The following TENM1 variants were observed in gnomAD, a reference collection of about 807,000 sequenced individuals.
TENM1 encodes teneurin-1.
Under a neutral mutation model 174.8 loss-of-function variants are expected in TENM1, and 35 were observed. The ratio of observed to expected loss-of-function variants is 0.20; its 90% CI spans 0.15 to 0.27. The LOEUF is 0.27. TENM1 is among the 10% of genes least tolerant of loss of function. The pLI is 1.00. For missense variants in TENM1, 1,633 were observed against 2,130.1 expected (o/e 0.77, Z 4.59); for synonymous variants, 781 against 798.7 (o/e 0.98, Z 0.37).
At chrX:125,105,875 A>T in the TENM1 span, among the ~76,000 whole-genome samples, 1 of 112,096 alleles carries the variant, frequency 8.9e-6, no homozygotes, top group Admixed American at 9.4e-5. Context: ...CCTTGGAATC[A>T]AATTTAAGCT....
chrX:124,765,362 T>C (rs2054517821), intron 3 of TENM1, among the ~76,000 whole-genome samples: 1 of 112,209 alleles, frequency 8.9e-6, no homozygotes. Context: ...ATTTGTATAC[T>C]TGTTTTATCT....
At position 124,754,110 on chromosome X, in the gene TENM1, T is replaced by C. The variant is rs1158863279; in HGVS notation, c.536-16913A>G. Reference sequence around the variant, plus strand: ...CTGGTAGAATTCGGCTGTGAATCCATCTGGTCCTGGACTCTTTTCGTTGGT... The same window carrying C: ...CTGGTAGAATTCGGCTGTGAATCCACCTGGTCCTGGACTCTTTTCGTTGGT... On this transcript the variant is annotated intron_variant, in intron 3 of 31. Transcript: ENST00000422452. Among the ~76,000 whole-genome samples, 3 of 111,512 alleles carry C rather than the reference T, an allele frequency of 2.7e-5. No individual in the cohort carries two copies. In the Admixed American group the frequency reaches 2.8e-4, roughly 11 times the overall value.
At position 124,458,388 on chromosome X, in the gene TENM1, G is replaced by A. The variant is rs1180788827; in HGVS notation, c.3950-4897C>T. Among the ~76,000 whole-genome samples the A allele has an allele frequency of 6.3e-5, 7 of 111,993 alleles. No homozygotes were observed. In the East Asian group the frequency reaches 1.7e-3, roughly 27 times the overall value. On this transcript the variant is annotated intron_variant, in intron 22 of 31. Coordinates refer to ENST00000422452, the Ensembl canonical transcript of TENM1. ...TCTGTGTGTCACTAGAGGTTGGAAG[G>A]AGGCAGAGCTTAATGACAAGCTGAG...
chrX:124,569,757 T>C (rs1318994327), intron 11 of TENM1, among the ~76,000 whole-genome samples: 2 of 111,472 alleles, frequency 1.8e-5, no homozygotes, highest in African/African-American at 6.5e-5. Flanking sequence ...GAAAAATTTA[T>C]AAGGTAGAAA....
chrX:124,922,176 C>T lies in TENM1; in HGVS notation c.218-25935G>A, dbSNP rs561377956. 2.3e-3 allele frequency among the ~76,000 whole-genome samples: 256 copies of T among 111,618 alleles called. 1 individual carries two copies. The highest frequency in any genetic ancestry group is 7.7e-3 in the African/African-American group (237 of 30,848). The stretch of plus-strand genomic sequence containing the variant: ...CCCAAGTGGATGAATGATACCTTGA[C>T]TGGATGGTAAGTTACTTGGTTTGCA... On this transcript the variant is annotated intron_variant, in intron 1 of 31. Transcript: ENST00000422452.
intron 3 of TENM1, among the ~76,000 whole-genome samples, chrX:124,829,565 C>T (rs2056243748): frequency 8.9e-6 from 1 of 111,890 alleles, no homozygotes; most frequent in African/African-American, 3.3e-5. Flanking sequence ...GAAAGATACA[C>T]ATGAAACACA....
At chrX:124,879,593 T>C (rs2057268456) in intron 3 of TENM1, among the ~76,000 whole-genome samples, 1 of 111,930 alleles carries the variant, frequency 8.9e-6, no homozygotes, top group Non-Finnish European at 1.9e-5. Context: ...AGTGCAGGTG[T>C]CCCTTTGATA....
the TENM1 span, among the ~76,000 whole-genome samples, chrX:124,994,669 C>G: frequency 9.1e-6 from 1 of 110,175 alleles, no homozygotes; most frequent in African/African-American, 3.3e-5. Flanking sequence ...ACCTCTGCAT[C>G]GAGTCTAGGC....
intron 3 of TENM1, among the ~76,000 whole-genome samples, chrX:124,740,771 T>G (rs2053780716): frequency 9.0e-6 from 1 of 111,397 alleles, no homozygotes; most frequent in Admixed American, 9.6e-5. Context: ...TTGGGATCCA[T>G]GAAATGGGAT....
intron 4 of TENM1, among the ~76,000 whole-genome samples, chrX:124,706,193 T>G (rs1160754905): frequency 8.9e-6 from 1 of 112,554 alleles, no homozygotes; most frequent in East Asian, 2.8e-4. Context: ...TGAGCCGCTG[T>G]GCCCGGCCAG....
intron 22 of TENM1, among the ~76,000 whole-genome samples, chrX:124,471,282 TATATAGTACTATATATTATA>T (rs1183910880): frequency 1.6e-4 from 7 of 44,705 alleles, no homozygotes; most frequent in African/African-American, 6.9e-4. Flanking sequence ...CTATATATAA[TATATAGTACTATATATTATA>T]ATATATAGTA....
intron 15 of TENM1, among the ~76,000 whole-genome samples, chrX:124,537,371 C>T (rs1802160121): frequency 9.0e-6 from 1 of 111,359 alleles, no homozygotes; most frequent in South Asian, 3.8e-4. Flanking sequence ...TTAATGTCCA[C>T]ATAACCCTGA....
chrX:124,751,037 T>G (rs781454892), intron 3 of TENM1, among the ~76,000 whole-genome samples: 2 of 112,123 alleles, frequency 1.8e-5, no homozygotes, highest in African/African-American at 6.5e-5. Context: ...ATTTATGTAA[T>G]CTATAGTAAC....
chrX:124,399,834 C>A (rs749612116), intron 27 of TENM1, among the ~76,000 whole-genome samples: 119 of 111,200 alleles, frequency 1.1e-3, no homozygotes, highest in Admixed American at 2.7e-3. Context: ...TAGCCGAGCA[C>A]GGTGGCATGC....
At chrX:124,526,444 C>T (rs1442572293) in intron 16 of TENM1, among the ~76,000 whole-genome samples, 1 of 112,158 alleles carries the variant, frequency 8.9e-6, no homozygotes, top group African/African-American at 3.2e-5. Context: ...CTTTCCACCT[C>T]GCAGTTATAC....
chrX:124,935,505 T>G (rs2058231946), intron 1 of TENM1, among the ~76,000 whole-genome samples: 1 of 112,431 alleles, frequency 8.9e-6, no homozygotes, highest in African/African-American at 3.2e-5. Context: ...TGTTTTAAAT[T>G]ATCTGCTTTT....
intron 3 of TENM1, among the ~76,000 whole-genome samples, chrX:124,803,713 A>C (rs2055514286): frequency 2.7e-5 from 3 of 112,537 alleles, no homozygotes; most frequent in Admixed American, 1.9e-4. Flanking sequence ...AATACATTGC[A>C]CTTAACCCAG....
intron 5 of TENM1, among the ~76,000 whole-genome samples, chrX:124,674,303 C>CAAAA (rs745969451): frequency 1.8e-4 from 3 of 16,623 alleles, no homozygotes; most frequent in Non-Finnish European, 2.3e-4. Context: ...TATCAAAAGG[C>CAAAA]AAAAAAAAAA....
At chrX:124,776,058 A>C (rs2054775828) in intron 3 of TENM1, among the ~76,000 whole-genome samples, 1 of 112,034 alleles carries the variant, frequency 8.9e-6, no homozygotes, top group South Asian at 3.7e-4. Flanking sequence ...ACCAGGAATA[A>C]ATCTGTTAGT....
Sources: gnomAD v4.1 joint callset for allele counts (sites outside exome capture counted in the v4.1 genomes callset) on GRCh38, gnomAD v4.1.1 for gene constraint, MANE v1.5 for transcripts, NCBI Gene and HGNC (gene_info 2026-07-23, HGNC 2026-07-21) for gene names.